Variants in BCO2 observed in about 807,000 individuals in gnomAD.
BCO2 encodes the protein beta-carotene oxygenase 2, also known as carotenoid-cleaving dioxygenase, mitochondrial.
In BCO2, 56 loss-of-function variants were observed where a neutral mutation model predicts 65.8. That is an observed-to-expected ratio of 0.85 (90% CI 0.69 to 1.06). The LOEUF (loss-of-function observed/expected upper bound fraction) is 1.06. Ranked by LOEUF, BCO2 falls within the 50% of genes least tolerant of loss-of-function variation. BCO2 has a pLI of 0.00. For synonymous variants in BCO2, 233 were observed against 242.3 expected (o/e 0.96, Z 0.36); for missense variants, 675 against 698.5 (o/e 0.97, Z 0.38).
intron 2 of BCO2, among the ~76,000 whole-genome samples, chr11:112,187,126 A>G (rs1188148307): frequency 6.6e-6 from 1 of 152,186 alleles, no homozygotes; most frequent in Non-Finnish European, 1.5e-5. Flanking sequence ...ACGGTCCTAC[A>G]TTCCCATTAA....
chr11:112,193,365 C>A, intron 2 of BCO2, 109 bp from the exon 3 acceptor site: 1 of 1,035,032 alleles, frequency 9.7e-7, no homozygotes, highest in Non-Finnish European at 1.4e-6. Context: ...GTGCTGGGAA[C>A]CTGTCCCATT....
intron 2 of BCO2, among the ~76,000 whole-genome samples, chr11:112,183,728 T>C (rs529137439): frequency 6.6e-6 from 1 of 152,242 alleles, no homozygotes; most frequent in Non-Finnish European, 1.5e-5. Flanking sequence ...TATGGTGAGA[T>C]CAGACTCCTT....
chr11:112,196,946 C>T (rs547036556), intron 5 of BCO2, among the ~76,000 whole-genome samples: 3 of 149,866 alleles, frequency 2.0e-5, no homozygotes, highest in African/African-American at 7.4e-5. Context: ...CCTTCCCTTC[C>T]CTTCCCTTCC....
intron 2 of BCO2, 141 bp from the exon 3 acceptor site, chr11:112,193,333 A>G: frequency 1.3e-6 from 1 of 792,592 alleles, no homozygotes. Flanking sequence ...CCACAATTTC[A>G]AGTTCTCTGA....
chr11:112,206,248 C>T (rs12286053), intron 8 of BCO2, among the ~76,000 whole-genome samples: 3,187 of 151,454 alleles, frequency 0.021, 122 homozygotes, highest in African/African-American at 0.073. Context: ...GGGCAGCGGC[C>T]GGGCAGAGGC....
At chr11:112,210,769 C>T (rs1156893968) in intron 8 of BCO2, among the ~76,000 whole-genome samples, 1 of 151,804 alleles carries the variant, frequency 6.6e-6, no homozygotes, top group Admixed American at 6.6e-5. Context: ...CACACACACA[C>T]ACACACACAC....
intron 2 of BCO2, among the ~76,000 whole-genome samples, chr11:112,187,343 G>T (rs1867229596): frequency 6.6e-6 from 1 of 151,712 alleles, no homozygotes; most frequent in African/African-American, 2.4e-5. Flanking sequence ...GCCCATCCTT[G>T]GTTTCCCCTG....
intron 8 of BCO2, among the ~76,000 whole-genome samples, chr11:112,213,318 T>G (rs531904010): frequency 6.6e-6 from 1 of 151,882 alleles, no homozygotes; most frequent in African/African-American, 2.4e-5. Context: ...TAATTTTGTA[T>G]TTTTAGTAAA....
intron 7 of BCO2, among the ~76,000 whole-genome samples, chr11:112,201,035 G>A (rs993429585): frequency 2.0e-5 from 3 of 152,062 alleles, no homozygotes; most frequent in African/African-American, 7.2e-5. Context: ...CTCTTAGCAT[G>A]GACTTTTTCC....
At chr11:112,181,618 T>C in intron 2 of BCO2, 3 of 776,696 alleles carry the variant, frequency 3.9e-6, no homozygotes, top group East Asian at 4.9e-5. Flanking sequence ...TATTGACTCA[T>C]TGAACACCTA....
chr11:112,202,269 TTCTCTC>T (rs377696576), intron 8 of BCO2, 79 bp downstream of exon 8: 29 of 1,172,248 alleles, frequency 2.5e-5, no homozygotes, highest in East Asian at 2.8e-5. Flanking sequence ...AATTACATGT[TTCTCTC>T]TCTCTCTCTC....
At chr11:112,195,134 A>G (rs1250914304) in intron 5 of BCO2, among the ~76,000 whole-genome samples, 1 of 151,862 alleles carries the variant, frequency 6.6e-6, no homozygotes, top group African/African-American at 2.4e-5. Context: ...ACCATTCTAA[A>G]CTACATTTTT....
chr11:112,184,024 A>C (rs1040995900), intron 2 of BCO2, among the ~76,000 whole-genome samples: 3 of 152,236 alleles, frequency 2.0e-5, no homozygotes, highest in Non-Finnish European at 2.9e-5. Context: ...TAGTTTTCTC[A>C]TACAATCATC....
chr11:112,178,172 C>A (rs1186457364), intron 1 of BCO2, among the ~76,000 whole-genome samples: 1 of 151,828 alleles, frequency 6.6e-6, no homozygotes, highest in Admixed American at 6.6e-5. Flanking sequence ...GCCTTGGCCT[C>A]CCAAAGTGCT....
rs557579315 is a variant in BCO2 at position 112,201,409 on chromosome 11, A to G, written c.1027-614A>G. Among the ~76,000 whole-genome samples the G allele has an allele frequency of 9.9e-5, 15 of 152,154 alleles. No homozygotes were observed. The East Asian group carries it at 2.9e-3, about 29-fold the overall frequency. On this transcript the variant is annotated intron_variant, in intron 7 of 11. Coordinates refer to ENST00000357685, the MANE Select transcript of BCO2 (RefSeq NM_031938.7). ...GTGATCCACCTGCCTCAGCCTCCCA[A>G]AGTGCTGGGATTACAGGCGTGAGCC...
At chr11:112,204,611 G>A (rs866276651) in intron 8 of BCO2, among the ~76,000 whole-genome samples, 2 of 152,116 alleles carry the variant, frequency 1.3e-5, no homozygotes, top group Non-Finnish European at 2.9e-5. Context: ...CCTTTATGAT[G>A]ATCTACTACC....
intron 4 of BCO2, 167 bp downstream of exon 4, chr11:112,194,161 G>C (rs1324470818): frequency 5.3e-6 from 3 of 569,966 alleles, no homozygotes; most frequent in East Asian, 2.9e-5. Flanking sequence ...GATGGCCTCT[G>C]GGTTGGTTTT....
chr11:112,177,267 G>A (rs1592829687), intron 1 of BCO2, among the ~76,000 whole-genome samples: 1 of 152,244 alleles, frequency 6.6e-6, no homozygotes, highest in Non-Finnish European at 1.5e-5. Flanking sequence ...CATCCTCTTT[G>A]TACTTCTGAT....
At chr11:112,211,722 T>A (rs1452894004) in intron 8 of BCO2, among the ~76,000 whole-genome samples, 1 of 152,254 alleles carries the variant, frequency 6.6e-6, no homozygotes, top group Non-Finnish European at 1.5e-5. Context: ...TGACTAATGA[T>A]GTTGAGCATA....
Sources: allele counts gnomAD v4.1 joint callset (sites outside exome capture counted in the v4.1 genomes callset), GRCh38; gene constraint gnomAD v4.1.1; transcripts MANE v1.5; gene names NCBI Gene and HGNC (gene_info 2026-07-23, HGNC 2026-07-21).